GRAMD2B: variants seen among roughly 807,000 people sequenced by gnomAD.
GRAMD2B encodes GRAM domain-containing protein 2B.
In GRAMD2B, 41 loss-of-function variants were observed where a neutral mutation model predicts 59.2. That is an observed-to-expected ratio of 0.69 (90% CI 0.54 to 0.90). GRAMD2B has a LOEUF of 0.90. GRAMD2B is among the 40% of genes least tolerant of loss of function. GRAMD2B has a pLI of 0.00. For missense variants in GRAMD2B, 424 were observed against 500.5 expected, an observed-to-expected ratio of 0.85 and a Z score of 1.46; for synonymous variants, 161 against 182.7, an observed-to-expected ratio of 0.88 and a Z score of 0.96.
chr5:126,393,997 A>G (rs370901074), intron 1 of GRAMD2B, among the ~76,000 whole-genome samples: 49 of 152,228 alleles, frequency 3.2e-4, no homozygotes, highest in African/African-American at 1.1e-3. Flanking sequence ...ATATTAGGCC[A>G]GGCGCGGTGG....
Position 126,474,655 on chromosome 5 carries a change from AAGAT to A in GRAMD2B, c.486+1289_486+1292del, listed in dbSNP as rs533509961. On this transcript the variant is annotated intron_variant, in intron 5 of 13. Transcript: ENST00000285689. ...TCTCTGAGCAGAGCAGCAGGGACTG[AAGAT>A]ACTAATGAACAAAGTATTAGTCTTT... 6.4e-4 allele frequency among the ~76,000 whole-genome samples: 98 copies of A among 152,322 alleles called. 1 individual carries two copies. The highest frequency in any genetic ancestry group is 2.3e-3 in the African/African-American group (95 of 41,580).
intron 5 of GRAMD2B, among the ~76,000 whole-genome samples, chr5:126,473,797 G>A (rs1770066710): frequency 6.6e-6 from 1 of 152,068 alleles, no homozygotes; most frequent in South Asian, 2.1e-4. Flanking sequence ...TGATGCGTAG[G>A]ACAGCAGGCC....
chr5:126,373,735 G>T (rs1754951195), intron 1 of GRAMD2B, among the ~76,000 whole-genome samples: 1 of 152,188 alleles, frequency 6.6e-6, no homozygotes, highest in African/African-American at 2.4e-5. Flanking sequence ...CTTTGGATGG[G>T]GTGGTAAGTA....
rs182202709 is a variant in GRAMD2B at position 126,423,410 on chromosome 5, A to T, written c.-197A>T. 1 of 1,371,884 alleles carries T rather than the reference A, an allele frequency of 7.3e-7. No homozygotes were observed. The highest frequency in any genetic ancestry group is 3.1e-5 in the East Asian group (1 of 32,410). 85.0% of individuals were successfully genotyped at this position (1,371,884 alleles called of 1,614,324 possible). A position where few individuals can be genotyped will look rare whatever the true frequency, so the allele number is the denominator to read the frequency against. On this transcript the variant is annotated 5_prime_UTR_variant, in exon 1 of 14. Coordinates refer to ENST00000285689, the MANE Select transcript of GRAMD2B (RefSeq NM_023927.4). ...GGCTTTTCCACAGTGGGTCGGACCAATCGCGCCCGCTCCGACGTGTCCAGG... is the reference window on the plus strand; with the variant it reads ...GGCTTTTCCACAGTGGGTCGGACCATTCGCGCCCGCTCCGACGTGTCCAGG...
chr5:126,418,885 T>C (rs1401762682), upstream of GRAMD2B, among the ~76,000 whole-genome samples: 1 of 152,226 alleles, frequency 6.6e-6, no homozygotes, highest in Non-Finnish European at 1.5e-5. Context: ...AAAACAGGAA[T>C]GGTCTGAGAA....
chr5:126,370,386 T>G (rs573385302), upstream of GRAMD2B, among the ~76,000 whole-genome samples: 53 of 152,268 alleles, frequency 3.5e-4, no homozygotes, highest in Non-Finnish European at 6.6e-4. Context: ...AATCAGAAAC[T>G]GTGTACTTCT....
chr5:126,445,976 A>T (rs994297401), intron 1 of GRAMD2B, among the ~76,000 whole-genome samples: 1 of 152,180 alleles, frequency 6.6e-6, no homozygotes, highest in African/African-American at 2.4e-5. Flanking sequence ...AGCAAGAGCC[A>T]TGTGGACTAG....
upstream of GRAMD2B, among the ~76,000 whole-genome samples, chr5:126,421,988 T>A (rs1266606996): frequency 6.6e-6 from 1 of 152,208 alleles, no homozygotes; most frequent in African/African-American, 2.4e-5. Flanking sequence ...TGTTTTGAAG[T>A]CAAGTCAGGC....
At chr5:126,396,723 T>A (rs915573425) in intron 1 of GRAMD2B, among the ~76,000 whole-genome samples, 17 of 152,220 alleles carry the variant, frequency 1.1e-4, no homozygotes, top group African/African-American at 4.1e-4. Flanking sequence ...GAATGGTATT[T>A]CTGTCTTTAG....
At chr5:126,391,839 A>G (rs1031164142) in intron 1 of GRAMD2B, among the ~76,000 whole-genome samples, 1 of 152,122 alleles carries the variant, frequency 6.6e-6, no homozygotes, top group African/African-American at 2.4e-5. Flanking sequence ...AAGTTACACA[A>G]TTCTGTTTGT....
chr5:126,468,935 A>G (rs536911414), intron 2 of GRAMD2B, among the ~76,000 whole-genome samples: 3 of 152,320 alleles, frequency 2.0e-5, no homozygotes, highest in Admixed American at 2.0e-4. Context: ...CCTTAAGGAT[A>G]CAAACTGTGT....
chr5:126,492,840 A>G (rs1561626170), intron 13 of GRAMD2B, 75 bp from the exon 14 acceptor site: 2 of 955,742 alleles, frequency 2.1e-6, no homozygotes, highest in Non-Finnish European at 3.3e-6. Flanking sequence ...AGAATGCTAT[A>G]TAGACTATAA....
chr5:126,486,953 C>T lies in GRAMD2B; in HGVS notation c.1139C>T (p.Ser380Phe). ...GAGGAGCAGCTGGGGTTACTAACCT[C>T]CATTGTGGACACCCATAATACTGAG... ...TLEEQLGLLT[S>F]IVDTHNTEQA... Residue 380 changes from serine (S) to phenylalanine (F), a missense_variant, in exon 12 of 14, where the codon TCC (serine) becomes TTC (phenylalanine). By Grantham distance (155) the Ser-to-Phe change is radical. Coordinates refer to ENST00000285689, the MANE Select transcript of GRAMD2B (RefSeq NM_023927.4). 1 of 1,602,120 alleles carries T rather than the reference C, an allele frequency of 6.2e-7. No individual in the cohort carries two copies. Among genetic ancestry groups the T allele is most frequent in the Non-Finnish European group, 8.6e-7 (1 of 1,169,500 alleles).
chr5:126,467,655 C>T (rs888261276), intron 2 of GRAMD2B: 3 of 152,084 alleles, frequency 2.0e-5, no homozygotes, highest in Non-Finnish European at 4.4e-5. Flanking sequence ...AAATAAAAGG[C>T]AAGTTGACAT....
At chr5:126,428,936 C>G (rs4323230) in intron 1 of GRAMD2B, among the ~76,000 whole-genome samples, 65,313 of 152,018 alleles carry the variant, frequency 0.43, 14,412 homozygotes, top group Admixed American at 0.49. Context: ...TTCACTGTTG[C>G]TGGGGGTGTA....
chr5:126,423,604 C>T lies in GRAMD2B; in HGVS notation c.-3C>T, dbSNP rs764752348. 1 of 1,611,650 alleles carries T rather than the reference C, an allele frequency of 6.2e-7. No individual in the cohort carries two copies. The highest frequency in any genetic ancestry group is 8.5e-7 in the Non-Finnish European group (1 of 1,179,090). ...CTGAAGGTGCCCTCCAGACACGGCC[C>T]CGATGACTGAACTACAGCAAGATGT... On this transcript the variant is annotated 5_prime_UTR_variant, in exon 1 of 14. Coordinates refer to ENST00000285689, the MANE Select transcript of GRAMD2B (RefSeq NM_023927.4).
intron 1 of GRAMD2B, among the ~76,000 whole-genome samples, chr5:126,403,068 A>G (rs1757971175): frequency 6.6e-6 from 1 of 151,990 alleles, no homozygotes; most frequent in African/African-American, 2.4e-5. Flanking sequence ...AAGTCTTTCC[A>G]AAGCAATGAA....
At chr5:126,462,901 T>C (rs1490797219) in intron 1 of GRAMD2B, among the ~76,000 whole-genome samples, 1 of 152,162 alleles carries the variant, frequency 6.6e-6, no homozygotes, top group East Asian at 1.9e-4. Context: ...AAAAGCTACT[T>C]TGAGTACACT....
At chr5:126,460,006 A>G (rs754995872) in intron 1 of GRAMD2B, among the ~76,000 whole-genome samples, 1 of 152,266 alleles carries the variant, frequency 6.6e-6, no homozygotes, top group Non-Finnish European at 1.5e-5. Flanking sequence ...AGACTGAAAT[A>G]TACCTACATG....
Sources: gnomAD v4.1 joint callset for allele counts (sites outside exome capture counted in the v4.1 genomes callset) on GRCh38, gnomAD v4.1.1 for gene constraint, MANE v1.5 for transcripts, NCBI Gene and HGNC (gene_info 2026-07-23, HGNC 2026-07-21) for gene names.